Variants in CD8B observed in about 807,000 individuals in gnomAD.
CD8B encodes the protein T-cell surface glycoprotein CD8 beta chain.
CD8B carries 6 observed loss-of-function variants against 24.2 expected under a neutral mutation model. That is an observed-to-expected ratio of 0.25 (90% CI 0.14 to 0.49). CD8B has a LOEUF of 0.49. CD8B is among the 20% of genes least tolerant of loss of function. The pLI, the probability that CD8B is intolerant of heterozygous loss-of-function variation, is 0.98. For synonymous variants in CD8B, 84 were observed against 108.3 expected, an observed-to-expected ratio of 0.78 and a Z score of 1.39; for missense variants, 196 against 271.3, an observed-to-expected ratio of 0.72 and a Z score of 1.95.
chr2:86,836,175 G>A (rs1048372019), downstream of CD8B, among the ~76,000 whole-genome samples: 4 of 152,164 alleles, frequency 2.6e-5, no homozygotes. Flanking sequence ...GCAGTGGAGA[G>A]GGAGGGCTGT....
chr2:86,822,457 C>T (rs1395678283), intron 5 of CD8B: 2 of 802,936 alleles, frequency 2.5e-6, no homozygotes, highest in Admixed American at 2.2e-5. Flanking sequence ...TTTAAGTAAA[C>T]AATGATAATG....
At chr2:86,822,391 A>G (rs768789467) in intron 5 of CD8B, 3 of 1,480,350 alleles carry the variant, frequency 2.0e-6, no homozygotes, top group Admixed American at 1.8e-5. Flanking sequence ...ACAATAGAGT[A>G]TGAACAGAGA....
rs1467585977 is a variant in CD8B at position 86,842,142 on chromosome 2, C to T, written c.*165G>A. The stretch of plus-strand genomic sequence containing the variant: ...CGATGACCCACGAACAAGTTGCTCC[C>T]ATGCACATCACACACAGAAAGGCCT... On this transcript the variant is annotated 3_prime_UTR_variant, in exon 6 of 6. Transcript: ENST00000390655. 6.8e-7 allele frequency: 1 copy of T among 1,471,238 alleles called. No homozygotes were observed. Among genetic ancestry groups the T allele is most frequent in the Admixed American group, 2.5e-5 (1 of 39,644 alleles). 91.1% of individuals were successfully genotyped at this position (1,471,238 alleles called of 1,614,324 possible).
In CD8B at chr2:86,846,719, A is replaced by G. The variant is rs1165184623; in HGVS notation, c.548T>C (p.Leu183Pro). 3 of 1,585,130 alleles carry G rather than the reference A, an allele frequency of 1.9e-6. No homozygotes were observed. Among genetic ancestry groups the G allele is most frequent in the Admixed American group, 1.8e-5 (1 of 55,726 alleles). Residue 183 changes from leucine (L) to proline (P), a missense_variant, in exon 4 of 6, where the codon CTG (leucine) becomes CCG (proline). Leu to Pro is a moderately conservative substitution (Grantham distance 98). Transcript: ENST00000390655. ...LGLLVAGVLV[L>P]LVSLGVAIHL... ...GATGGCCACTCCCAGGGAAACCAGCAGAACCAGGACGCCAGCCACCAGCAG... is the reference window on the plus strand; with the variant it reads ...GATGGCCACTCCCAGGGAAACCAGCGGAACCAGGACGCCAGCCACCAGCAG...
intron 1 of CD8B, among the ~76,000 whole-genome samples, chr2:86,860,836 C>T (rs540584663): frequency 6.6e-5 from 10 of 152,300 alleles, no homozygotes; most frequent in South Asian, 4.1e-4. Flanking sequence ...AGACACACCC[C>T]GGCTCTTCCC....
rs58311096 is a variant in CD8B, at chr2:86,848,701, A to ATTAATTAT, written c.494-1929_494-1928insATAATTAA. 3.0e-3 allele frequency among the ~76,000 whole-genome samples: 177 copies of ATTAATTAT among 58,596 alleles called. 50 individuals carry two copies. Among genetic ancestry groups the ATTAATTAT allele is most frequent in the South Asian group, 0.011 (16 of 1,508 alleles). The allele number at this position is 58,596 out of a possible 152,430, so 38.4% of individuals were successfully genotyped here. ...GGAAGAAAGGTATTGGTATTTTTAA[A>ATTAATTAT]TTATTTATTTATTTATTTATTTATT... On this transcript the variant is annotated intron_variant, in intron 3 of 5. Transcript: ENST00000390655.
rs766747886 is a variant in CD8B, at chr2:86,852,989, G to A, written c.493+8C>T. On this transcript the variant is annotated splice_region_variant and intron_variant, in intron 3 of 5. Coordinates refer to ENST00000390655, the MANE Select transcript of CD8B (RefSeq NM_004931.5). ...GTTTCTGAGGGTGCAGAGGGATAGG[G>A]AACTCACCCTTCTGGGTCTCTGGCC... 1.2e-4 allele frequency: 186 copies of A among 1,520,670 alleles called. 1 individual carries two copies. The highest frequency in any genetic ancestry group is 2.9e-5 in the Non-Finnish European group (33 of 1,127,608). The allele number at this position is 1,520,670 out of a possible 1,614,324, so 94.2% of individuals were successfully genotyped here. A position where few individuals can be genotyped will look rare whatever the true frequency, so the allele number is the denominator to read the frequency against.
chr2:86,823,705 C>T (rs1674566546), intron 5 of CD8B, among the ~76,000 whole-genome samples: 1 of 152,194 alleles, frequency 6.6e-6, no homozygotes, highest in African/African-American at 2.4e-5. Context: ...GTGCTGGGCA[C>T]TGTTCGAGGC....
intron 5 of CD8B, chr2:86,815,834 A>G (rs1440596980): frequency 7.1e-6 from 5 of 700,776 alleles, no homozygotes; most frequent in South Asian, 5.0e-5. Context: ...TGTTGTGTCA[A>G]ATTCAACACA....
At chr2:86,844,788 G>A (rs1367124819) in intron 5 of CD8B, 134 bp downstream of exon 5, 27 of 1,540,984 alleles carry the variant, frequency 1.8e-5, no homozygotes, top group Non-Finnish European at 2.3e-5. Flanking sequence ...GACTACAGGT[G>A]TGCACTACTA....
chr2:86,860,234 C>T (rs1471889838), intron 1 of CD8B, among the ~76,000 whole-genome samples: 1 of 152,268 alleles, frequency 6.6e-6, no homozygotes. Context: ...TGCGCCACTG[C>T]ACTCCAGCCT....
At chr2:86,842,766 T>C (rs533374310) in intron 5 of CD8B, among the ~76,000 whole-genome samples, 47 of 152,314 alleles carry the variant, frequency 3.1e-4, no homozygotes, top group Non-Finnish European at 5.4e-4. Context: ...GTTTTCAAGC[T>C]TTTTTGAAGC....
intron 5 of CD8B, among the ~76,000 whole-genome samples, chr2:86,843,989 G>C (rs948489267): frequency 2.0e-5 from 3 of 152,216 alleles, no homozygotes; most frequent in African/African-American, 7.2e-5. Flanking sequence ...TTTCTGTATA[G>C]AGGGGGTTGT....
intron 4 of CD8B, among the ~76,000 whole-genome samples, chr2:86,845,199 A>C (rs573042076): frequency 1.1e-3 from 174 of 152,314 alleles, no homozygotes; most frequent in African/African-American, 3.4e-3. Flanking sequence ...GAGTGAGTGA[A>C]TTACTGGATA....
At chr2:86,848,293 C>G (rs1243083430) in intron 3 of CD8B, among the ~76,000 whole-genome samples, 1 of 152,236 alleles carries the variant, frequency 6.6e-6, no homozygotes, top group Non-Finnish European at 1.5e-5. Context: ...TAGTTTTTGC[C>G]AGTCAAGTGG....
chr2:86,816,407 G>C (rs1228799266), intron 5 of CD8B, among the ~76,000 whole-genome samples: 1 of 152,182 alleles, frequency 6.6e-6, no homozygotes, highest in Non-Finnish European at 1.5e-5. Context: ...ATGCCAACCA[G>C]ATTTTGCTCA....
At chr2:86,842,918 G>C (rs547398852) in intron 5 of CD8B, among the ~76,000 whole-genome samples, 1 of 152,138 alleles carries the variant, frequency 6.6e-6, no homozygotes, top group East Asian at 1.9e-4. Flanking sequence ...CCTGCCTCAA[G>C]CTGATCCTGG....
intron 3 of CD8B, among the ~76,000 whole-genome samples, chr2:86,851,245 T>C (rs952385615): frequency 1.1e-4 from 16 of 152,210 alleles, no homozygotes; most frequent in African/African-American, 3.9e-4. Flanking sequence ...AATTTAGTGC[T>C]AGGATGAAGG....
At chr2:86,861,353 C>T (rs879801776) in intron 1 of CD8B, among the ~76,000 whole-genome samples, 66 of 152,240 alleles carry the variant, frequency 4.3e-4, no homozygotes, top group Non-Finnish European at 7.6e-4. Flanking sequence ...TGCCCTAGCC[C>T]TCCGAGAACT....
Sources: gnomAD v4.1 joint callset for allele counts (sites outside exome capture counted in the v4.1 genomes callset) on GRCh38, gnomAD v4.1.1 for gene constraint, MANE v1.5 for transcripts, NCBI Gene and HGNC (gene_info 2026-07-23, HGNC 2026-07-21) for gene names.